Variants in ACSS3 observed in about 807,000 individuals in gnomAD.
ACSS3 encodes acyl-CoA synthetase short chain family member 3, also known as acyl-CoA synthetase short-chain family member 3, mitochondrial.
In ACSS3, 64 loss-of-function variants were observed where a neutral mutation model predicts 84.2. That is an observed-to-expected ratio of 0.76 (90% CI 0.62 to 0.94). ACSS3 has a LOEUF of 0.94. ACSS3 is among the 40% of genes least tolerant of loss of function. The pLI, the probability that ACSS3 is intolerant of heterozygous loss-of-function variation, is 0.00. For synonymous variants in ACSS3, 317 were observed against 310.1 expected (o/e 1.02, Z -0.23); for missense variants, 815 against 867.6 (o/e 0.94, Z 0.76).
intron 13 of ACSS3, among the ~76,000 whole-genome samples, chr12:81,248,046 T>C (rs2034039743): frequency 2.0e-5 from 3 of 152,072 alleles, no homozygotes; most frequent in Admixed American, 2.0e-4. Context: ...TAAGTTATTG[T>C]TAGAAAGTCA....
intron 13 of ACSS3, among the ~76,000 whole-genome samples, chr12:81,237,759 C>T (rs986688648): frequency 2.0e-5 from 3 of 151,690 alleles, no homozygotes; most frequent in African/African-American, 7.2e-5. Context: ...TATATACGAT[C>T]AGGTTGTTTG....
At chr12:81,140,085 C>T (rs2525838) in intron 4 of ACSS3, among the ~76,000 whole-genome samples, 132,248 of 152,212 alleles carry the variant, frequency 0.87, 59,002 homozygotes, top group Non-Finnish European at 0.97. Context: ...GCTCTGACTG[C>T]ATGCTTAATC....
intron 1 of ACSS3, among the ~76,000 whole-genome samples, chr12:81,105,827 A>G (rs147580102): frequency 1.3e-5 from 2 of 152,212 alleles, no homozygotes; most frequent in South Asian, 4.1e-4. Context: ...TGAAGGAAAC[A>G]TCTGAGTGGA....
chr12:81,261,153 C>G lies in ACSS3; in HGVS notation c.*6231C>G, dbSNP rs1230312533. 1 of 152,076 alleles carries G rather than the reference C, an allele frequency of 6.6e-6. No individual in the cohort carries two copies. The highest frequency in any genetic ancestry group is 1.5e-5 in the Non-Finnish European group (1 of 68,022). The allele number at this position is 152,076 out of a possible 1,614,324, so 9.4% of individuals were successfully genotyped here. On this transcript the variant is annotated 3_prime_UTR_variant, in exon 16 of 16. Coordinates refer to ENST00000548058, the MANE Select transcript of ACSS3 (RefSeq NM_024560.4). ...ACTTAAAATTTATATTTGTTTTTAG[C>G]AAGTGTAAATCAGATTGATAAGAAA...
chr12:81,220,978 T>C (rs1233961899), intron 11 of ACSS3, among the ~76,000 whole-genome samples: 1 of 152,080 alleles, frequency 6.6e-6, no homozygotes, highest in Non-Finnish European at 1.5e-5. Flanking sequence ...AATTACTGGG[T>C]CAAACAGTAT....
At chr12:81,217,657 A>AC (rs2032969084) in intron 10 of ACSS3, among the ~76,000 whole-genome samples, 1 of 152,120 alleles carries the variant, frequency 6.6e-6, no homozygotes, top group Non-Finnish European at 1.5e-5. Flanking sequence ...AGCCTGGCCA[A>AC]CATGGTGAAA....
chr12:81,229,138 A>G (rs2135965109), intron 11 of ACSS3, among the ~76,000 whole-genome samples: 1 of 151,948 alleles, frequency 6.6e-6, no homozygotes, highest in Non-Finnish European at 1.5e-5. Context: ...TTTCTTTAGT[A>G]TAATAGAGCA....
chr12:81,181,625 C>G (rs2030928644), intron 8 of ACSS3, among the ~76,000 whole-genome samples: 1 of 149,980 alleles, frequency 6.7e-6, no homozygotes, highest in Non-Finnish European at 1.5e-5. Context: ...AAATAGTATA[C>G]AAATAGAAAA....
In ACSS3 at chr12:81,095,041, A is replaced by C. The variant is rs1436862553; in HGVS notation, c.312-14519A>C. On this transcript the variant is annotated intron_variant, in intron 1 of 15. Coordinates refer to ENST00000548058, the MANE Select transcript of ACSS3 (RefSeq NM_024560.4). ...CATGCTTCTGTTTTTTCCAACAAAT[A>C]CTAGCTGTCATTAGGCAGAGTACAC... is the stretch of plus-strand genomic sequence containing the variant. 5.9e-5 allele frequency among the ~76,000 whole-genome samples: 9 copies of C among 152,230 alleles called. No homozygotes were observed. In the East Asian group the frequency reaches 1.7e-3, roughly 29 times the overall value.
At chr12:81,189,752 A>G (rs899614269) in intron 8 of ACSS3, among the ~76,000 whole-genome samples, 2 of 152,110 alleles carry the variant, frequency 1.3e-5, no homozygotes, top group African/African-American at 4.8e-5. Context: ...GTCTTATTTA[A>G]GACATAGGTG....
At chr12:81,099,284 C>A (rs1462868168) in intron 1 of ACSS3, among the ~76,000 whole-genome samples, 1 of 151,930 alleles carries the variant, frequency 6.6e-6, no homozygotes, top group African/African-American at 2.4e-5. Context: ...GTGATGAAGA[C>A]CCATGTATAT....
At chr12:81,142,577 G>A (rs1886142922) in intron 4 of ACSS3, among the ~76,000 whole-genome samples, 1 of 152,166 alleles carries the variant, frequency 6.6e-6, no homozygotes. Flanking sequence ...AAAAGGAATA[G>A]TAGAATTCTT....
intron 2 of ACSS3, among the ~76,000 whole-genome samples, chr12:81,130,783 C>A (rs563916916): frequency 6.6e-6 from 1 of 152,122 alleles, no homozygotes; most frequent in Non-Finnish European, 1.5e-5. Context: ...AGTCTTTAAT[C>A]CATCTTGAAT....
intron 11 of ACSS3, among the ~76,000 whole-genome samples, chr12:81,224,858 G>A (rs1170967625): frequency 6.6e-6 from 1 of 151,772 alleles, no homozygotes; most frequent in African/African-American, 2.4e-5. Flanking sequence ...TAGCCGTCTT[G>A]GTTATCAGAT....
At position 81,156,233 on chromosome 12, in the gene ACSS3, C is replaced by G. The variant is rs913395683; in HGVS notation, c.1098+4137C>G. 2.9e-5 allele frequency among the ~76,000 whole-genome samples: 4 copies of G among 137,816 alleles called. No homozygotes were observed. In the Admixed American group the frequency reaches 2.9e-4, roughly 10 times the overall value. The allele number at this position is 137,816 out of a possible 152,430, so 90.4% of individuals were successfully genotyped here. Reference sequence around the variant, plus strand: ...CCCACACACACACACACACACACGTCTCTGGGTGTATATATCTCAAACTGA... The same window carrying G: ...CCCACACACACACACACACACACGTGTCTGGGTGTATATATCTCAAACTGA... On this transcript the variant is annotated intron_variant, in intron 7 of 15. Transcript: ENST00000548058.
intron 2 of ACSS3, among the ~76,000 whole-genome samples, chr12:81,130,981 G>T (rs1242943302): frequency 6.6e-6 from 1 of 152,078 alleles, no homozygotes; most frequent in African/African-American, 2.4e-5. Context: ...TGTTCAATTG[G>T]TCTATATCTC....
At chr12:81,125,582 A>C (rs1207936600) in intron 2 of ACSS3, 1 of 151,980 alleles carries the variant, frequency 6.6e-6, no homozygotes, top group Admixed American at 6.6e-5. Context: ...TCCCTTCACT[A>C]CCTGCTTCTA....
At chr12:81,193,029 G>T (rs1215389134) in intron 8 of ACSS3, among the ~76,000 whole-genome samples, 1 of 152,132 alleles carries the variant, frequency 6.6e-6, no homozygotes, top group Non-Finnish European at 1.5e-5. Flanking sequence ...ATGAGAAATT[G>T]TTGGGCAAAA....
intron 7 of ACSS3, among the ~76,000 whole-genome samples, chr12:81,155,317 G>T (rs550642530): frequency 1.3e-5 from 2 of 152,166 alleles, no homozygotes; most frequent in East Asian, 3.9e-4. Flanking sequence ...ACGTTTCCTG[G>T]ATAATCTCCA....
Sources: gnomAD v4.1 joint callset for allele counts (sites outside exome capture counted in the v4.1 genomes callset) on GRCh38, gnomAD v4.1.1 for gene constraint, MANE v1.5 for transcripts, NCBI Gene and HGNC (gene_info 2026-07-23, HGNC 2026-07-21) for gene names.